The following CATSPERB variants were observed in gnomAD, a reference collection of about 807,000 sequenced individuals.
CATSPERB encodes the protein catsper channel auxiliary subunit beta, also known as cation channel sperm-associated auxiliary subunit beta.
In CATSPERB, 93 loss-of-function variants were observed where a neutral mutation model predicts 128.3. The observed-to-expected ratio is 0.72, with a 90% CI of 0.61 to 0.86. The LOEUF is 0.86. Among genes scored for constraint, CATSPERB ranks in the 40% least tolerant of loss-of-function variants. The probability of loss-of-function intolerance (pLI) is 0.00; values close to 1 mark genes in which losing one functional copy is unlikely to be tolerated. For synonymous variants in CATSPERB, 381 were observed against 448.8 expected (o/e 0.85, Z 1.91); for missense variants, 1,153 against 1,329.5 (o/e 0.87, Z 2.06).
At chr14:91,607,878 G>A (rs1893742395) in intron 22 of CATSPERB, among the ~76,000 whole-genome samples, 1 of 152,044 alleles carries the variant, frequency 6.6e-6, no homozygotes, top group Non-Finnish European at 1.5e-5. Flanking sequence ...CTTTAGAGAG[G>A]CAGGGTGCTG....
At chr14:91,652,147 A>G (rs960097579) in intron 15 of CATSPERB, among the ~76,000 whole-genome samples, 1 of 152,148 alleles carries the variant, frequency 6.6e-6, no homozygotes, top group African/African-American at 2.4e-5. Flanking sequence ...AAGATAAATA[A>G]GACAAGCCAC....
chr14:91,605,059 CT>C, intron 22 of CATSPERB: 5 of 1,210,642 alleles, frequency 4.1e-6, no homozygotes, highest in Non-Finnish European at 4.9e-6. Context: ...CCTTGTCTTC[CT>C]TTTTTCTGGC....
chr14:91,639,250 C>G lies in CATSPERB; in HGVS notation c.1433G>C (p.Gly478Ala). ...TCCGACTGCACTGTATCTTCCCATT[C>G]CTATTAGGAAATACAGAGAAGTGTC... is the stretch of plus-strand genomic sequence containing the variant. ...QRGKVYSTKA[G>A]MGRYSAVGSV... Residue 478 changes from glycine to alanine, a missense_variant and splice_region_variant, in exon 16 of 27, where the codon GGA (glycine) becomes GCA (alanine). Gly to Ala is a moderately conservative substitution (Grantham distance 60). Transcript: ENST00000256343. The G allele has an allele frequency of 6.2e-7, 1 of 1,612,036 alleles. No homozygotes were observed. The highest frequency in any genetic ancestry group is 2.2e-5 in the East Asian group (1 of 44,842).
intron 4 of CATSPERB, among the ~76,000 whole-genome samples, chr14:91,720,787 A>C (rs1326939241): frequency 6.6e-6 from 1 of 152,208 alleles, no homozygotes; most frequent in Non-Finnish European, 1.5e-5. Context: ...AATCTTGAAA[A>C]AGAACAAAGT....
At position 91,693,085 on chromosome 14, in the gene CATSPERB, A is replaced by G. The variant is rs1012525369; in HGVS notation, c.831+41T>C. On this transcript the variant is annotated intron_variant, in intron 9 of 26. Transcript: ENST00000256343. Reference sequence around the variant, plus strand: ...AATATTTCTTTTTGTGTCACAGAAGATATTTAAGATTAGCTATTAGTTACA... The same window carrying G: ...AATATTTCTTTTTGTGTCACAGAAGGTATTTAAGATTAGCTATTAGTTACA... 7 of 1,244,584 alleles carry G rather than the reference A, an allele frequency of 5.6e-6. No homozygotes were observed. In the Admixed American group the frequency reaches 7.6e-5, roughly 14 times the overall value. The allele number at this position is 1,244,584 out of a possible 1,614,324, so 77.1% of individuals were successfully genotyped here. A position where few individuals can be genotyped will look rare whatever the true frequency, so the allele number is the denominator to read the frequency against.
chr14:91,581,628 T>C (rs896533406), intron 26 of CATSPERB, among the ~76,000 whole-genome samples: 1 of 152,248 alleles, frequency 6.6e-6, no homozygotes, highest in Non-Finnish European at 1.5e-5. Flanking sequence ...ACTTTTTATG[T>C]ATTCAAAATG....
Position 91,604,363 on chromosome 14 carries a change from G to A in CATSPERB, c.2709+3931C>T, listed in dbSNP as rs182269996. The A allele has an allele frequency of 1.3e-5, 11 of 867,010 alleles. No individual in the cohort carries two copies. The East Asian group carries it at 2.6e-4, about 21-fold the overall frequency. 53.7% of individuals were successfully genotyped at this position (867,010 alleles called of 1,614,324 possible). A position where few individuals can be genotyped will look rare whatever the true frequency, so the allele number is the denominator to read the frequency against. Reference sequence around the variant, plus strand: ...AGGGGAGAGGAAGGATTCAGCCAGTGCCCAGACTGAAATTGATTAATGTCA... The same window carrying A: ...AGGGGAGAGGAAGGATTCAGCCAGTACCCAGACTGAAATTGATTAATGTCA... On this transcript the variant is annotated intron_variant, in intron 22 of 26. Transcript: ENST00000256343.
intron 15 of CATSPERB, among the ~76,000 whole-genome samples, chr14:91,648,143 T>C (rs926984295): frequency 1.3e-5 from 2 of 152,184 alleles, no homozygotes; most frequent in Non-Finnish European, 2.9e-5. Context: ...GTGGCCACTT[T>C]TCTAATCCAG....
At chr14:91,587,071 G>C (rs915938506) in intron 26 of CATSPERB, 131 bp downstream of exon 26, 9 of 653,834 alleles carry the variant, frequency 1.4e-5, no homozygotes, top group Non-Finnish European at 2.1e-5. Flanking sequence ...TACCCTTCAG[G>C]ATCCCCTGTC....
At chr14:91,722,654 G>A (rs1198710699) in intron 4 of CATSPERB, among the ~76,000 whole-genome samples, 1 of 152,118 alleles carries the variant, frequency 6.6e-6, no homozygotes, top group African/African-American at 2.4e-5. Context: ...GAACTGTATG[G>A]AATTATATCT....
chr14:91,699,360 C>T (rs1464283744), intron 7 of CATSPERB, among the ~76,000 whole-genome samples: 1 of 151,962 alleles, frequency 6.6e-6, no homozygotes, highest in African/African-American at 2.4e-5. Context: ...ATCCATACTG[C>T]CCAAAACTAT....
intron 16 of CATSPERB, among the ~76,000 whole-genome samples, chr14:91,638,511 C>T (rs1279403348): frequency 1.3e-5 from 2 of 151,970 alleles, no homozygotes; most frequent in African/African-American, 4.8e-5. Context: ...GCCTCAACTT[C>T]CCAGGTTCAA....
intron 19 of CATSPERB, among the ~76,000 whole-genome samples, chr14:91,620,458 T>C (rs993460446): frequency 6.6e-6 from 1 of 152,130 alleles, no homozygotes; most frequent in African/African-American, 2.4e-5. Flanking sequence ...GGTGGCACAA[T>C]TTTCTTCTTT....
intron 21 of CATSPERB, among the ~76,000 whole-genome samples, chr14:91,609,178 C>A (rs1177028537): frequency 6.6e-6 from 1 of 152,034 alleles, no homozygotes; most frequent in African/African-American, 2.4e-5. Context: ...CCTCAATCTA[C>A]AGTGTGCTTC....
intron 14 of CATSPERB, among the ~76,000 whole-genome samples, chr14:91,661,012 G>A (rs1013907448): frequency 7.9e-5 from 12 of 152,122 alleles, no homozygotes; most frequent in African/African-American, 2.9e-4. Context: ...ACACATACAG[G>A]AAACATACTG....
In CATSPERB at chr14:91,691,545, G is replaced by T. The variant is rs144812090; in HGVS notation, c.842C>A (p.Ala281Glu). ...PSRHSLSFSR[A>E]DFCGFERVDY... ...TACCCTTTCAAAACCACAAAAGTCT[G>T]CCCTGGAAAACTAGAAGAAAAGAAG... is the stretch of plus-strand genomic sequence containing the variant. The change falls in exon 10 of 27, where the codon GCA (alanine) becomes GAA (glutamate). Residue 281 changes from alanine (A) to glutamate (E), a missense_variant. Ala to Glu is a moderately radical substitution (Grantham distance 107, BLOSUM62 -1). Coordinates refer to ENST00000256343, the MANE Select transcript of CATSPERB (RefSeq NM_024764.4). 4.8e-4 allele frequency: 767 copies of T among 1,603,406 alleles called. 1 individual carries two copies. Among genetic ancestry groups the T allele is most frequent in the Non-Finnish European group, 6.2e-4 (724 of 1,174,534 alleles).
chr14:91,683,818 T>A, intron 11 of CATSPERB, 59 bp downstream of exon 11: 1 of 1,041,162 alleles, frequency 9.6e-7, no homozygotes, highest in African/African-American at 1.6e-5. Context: ...TGAGCTTGCA[T>A]TCAGTTACAC....
intron 11 of CATSPERB, among the ~76,000 whole-genome samples, chr14:91,676,699 T>C (rs1374416850): frequency 1.3e-5 from 2 of 152,140 alleles, no homozygotes; most frequent in Non-Finnish European, 2.9e-5. Context: ...GAAATTTAAA[T>C]TAGTTTTTTC....
chr14:91,608,228 A>G (rs1365877574), intron 22 of CATSPERB, 66 bp downstream of exon 22: 6 of 995,422 alleles, frequency 6.0e-6, no homozygotes, highest in Non-Finnish European at 9.5e-6. Flanking sequence ...AGCTATATAT[A>G]TAATTTTACT....
Sources: gnomAD v4.1 joint callset for allele counts (sites outside exome capture counted in the v4.1 genomes callset) on GRCh38, gnomAD v4.1.1 for gene constraint, MANE v1.5 for transcripts, NCBI Gene and HGNC (gene_info 2026-07-23, HGNC 2026-07-21) for gene names.